AFF3: variants seen among roughly 807,000 people sequenced by gnomAD.
AFF3 encodes the protein AF4/FMR2 family member 3.
In AFF3, 32 loss-of-function variants were observed where a neutral mutation model predicts 129.7. The observed-to-expected ratio is 0.25, with a 90% confidence interval of 0.19 to 0.33. AFF3 has a LOEUF of 0.33. AFF3 is among the 10% of genes least tolerant of loss of function. The probability of loss-of-function intolerance (pLI) is 1.00; values close to 1 mark genes in which losing one functional copy is unlikely to be tolerated. For synonymous variants in AFF3, 644 were observed against 635.4 expected (o/e 1.01, Z -0.20); for missense variants, 1,373 against 1,592.0 (o/e 0.86, Z 2.34).
intron 12 of AFF3, among the ~76,000 whole-genome samples, chr2:99,655,441 C>T (rs186910191): frequency 5.3e-5 from 8 of 151,962 alleles, no homozygotes; most frequent in Admixed American, 2.0e-4. Flanking sequence ...GGGTGGGTGG[C>T]GAGGGGAGTG....
At chr2:99,644,053 A>C (rs1330780653) in intron 13 of AFF3, among the ~76,000 whole-genome samples, 1 of 152,212 alleles carries the variant, frequency 6.6e-6, no homozygotes, top group African/African-American at 2.4e-5. Context: ...GCCCCAGCAC[A>C]GCACCCCACA....
chr2:99,923,526 T>C (rs1341463890), intron 7 of AFF3, among the ~76,000 whole-genome samples: 1 of 152,232 alleles, frequency 6.6e-6, no homozygotes, highest in Admixed American at 6.5e-5. Flanking sequence ...CTTATATTTA[T>C]GCAAAAGGAC....
intron 2 of AFF3, among the ~76,000 whole-genome samples, chr2:100,120,388 T>A (rs1019795175): frequency 2.8e-4 from 43 of 152,098 alleles, no homozygotes; most frequent in African/African-American, 1.0e-3. Context: ...AGAAAAAAAA[T>A]TGGTAAGTTA....
intron 8 of AFF3, among the ~76,000 whole-genome samples, chr2:99,791,462 G>A (rs140834087): frequency 6.6e-6 from 1 of 152,330 alleles, no homozygotes; most frequent in African/African-American, 2.4e-5. Flanking sequence ...GTCTGTGCCT[G>A]TTCAGTACGG....
intron 2 of AFF3, among the ~76,000 whole-genome samples, chr2:100,115,557 C>CAA (rs1691703549): frequency 6.6e-6 from 1 of 151,944 alleles, no homozygotes; most frequent in Admixed American, 6.5e-5. Flanking sequence ...GACGCTGTCT[C>CAA]AAAAAATAAA....
intron 4 of AFF3, among the ~76,000 whole-genome samples, chr2:100,038,889 A>T (rs1371467358): frequency 6.6e-6 from 1 of 151,672 alleles, no homozygotes; most frequent in South Asian, 2.1e-4. Context: ...CGCCCGGCTA[A>T]TTTTTTGTAT....
chr2:99,820,825 C>T (rs58634641), intron 8 of AFF3, among the ~76,000 whole-genome samples: 12,254 of 144,926 alleles, frequency 0.085, 1,997 homozygotes, highest in African/African-American at 0.3. Context: ...AGCCTAGGCC[C>T]ACACAGGGCC....
At chr2:99,625,619 G>A (rs1184578089) in intron 13 of AFF3, among the ~76,000 whole-genome samples, 1 of 152,098 alleles carries the variant, frequency 6.6e-6, no homozygotes, top group Non-Finnish European at 1.5e-5. Context: ...GATACTAGAC[G>A]AAATGACAAG....
chr2:100,011,696 C>T lies in AFF3; in HGVS notation c.54-2764G>A, dbSNP rs1042904234. The T allele has an allele frequency of 8.6e-5, 61 of 708,136 alleles. No individual in the cohort carries two copies. The Middle Eastern group carries it at 1.2e-3, about 14-fold the overall frequency. 43.9% of individuals were successfully genotyped at this position (708,136 alleles called of 1,614,324 possible). A position where few individuals can be genotyped will look rare whatever the true frequency, so the allele number is the denominator to read the frequency against. On this transcript the variant is annotated intron_variant, in intron 4 of 24. Coordinates refer to ENST00000672756, the MANE Select transcript of AFF3 (RefSeq NM_001386135.1). Reference sequence around the variant, plus strand: ...GCCGAGGGGAAAGAATCCAAGATCCCGGAGGGTCAGAACGGGAGGCAAGCT... The same window carrying T: ...GCCGAGGGGAAAGAATCCAAGATCCTGGAGGGTCAGAACGGGAGGCAAGCT...
At chr2:99,778,491 G>A (rs1203814352) in intron 8 of AFF3, among the ~76,000 whole-genome samples, 3 of 152,136 alleles carry the variant, frequency 2.0e-5, no homozygotes, top group African/African-American at 7.2e-5. Context: ...AACTGGCTGG[G>A]ACAATGCTTG....
Position 100,006,865 on chromosome 2 carries a change from G to C in AFF3, c.640C>G (p.Gln214Glu). 6.2e-7 allele frequency: 1 copy of C among 1,614,208 alleles called. No homozygotes were observed. Among genetic ancestry groups the C allele is most frequent in the Non-Finnish European group, 8.5e-7 (1 of 1,180,036 alleles). Residue 214 changes from glutamine to glutamate, a missense_variant, in exon 7 of 25, where the codon CAG (glutamine) becomes GAG (glutamate). By Grantham distance (29) the Gln-to-Glu change is conservative (BLOSUM62 2). Around this residue, in one of 9 missense-constraint regions of AFF3, gnomAD observed 255 missense variants for 256.0 expected, o/e 1.00. Transcript: ENST00000672756. ...AKHSSSGHCV[Q>E]NFPPSLASKP... is the part of the protein sequence containing the mutation. ...GAAGCTAGGGATGGAGGAAAGTTCT[G>C]AACACAGTGTCCGCTGCTGCTGTGC...
chr2:99,757,932 T>C (rs1420186188), intron 8 of AFF3, among the ~76,000 whole-genome samples: 1 of 152,190 alleles, frequency 6.6e-6, no homozygotes, highest in Non-Finnish European at 1.5e-5. Flanking sequence ...GTCCCCTCTA[T>C]TGTGGTTACT....
intron 7 of AFF3, among the ~76,000 whole-genome samples, chr2:99,871,417 G>A (rs1691857061): frequency 1.3e-5 from 2 of 152,118 alleles, no homozygotes; most frequent in African/African-American, 4.8e-5. Context: ...ACTATGCTTG[G>A]TTCTATTTCT....
At chr2:100,103,526 A>G in intron 4 of AFF3, among the ~76,000 whole-genome samples, 3 of 134,964 alleles carry the variant, frequency 2.2e-5, no homozygotes, top group East Asian at 2.1e-4. Context: ...GGTTGGGGGG[A>G]GCAGAGAAAG....
rs553562798 is a variant in AFF3, at chr2:100,055,133, A to G, written c.54-46201T>C. Among the ~76,000 whole-genome samples the G allele has an allele frequency of 2.0e-5, 3 of 152,186 alleles. No individual in the cohort carries two copies. The South Asian group carries it at 6.2e-4, about 32-fold the overall frequency. On this transcript the variant is annotated intron_variant, in intron 4 of 24. Coordinates refer to ENST00000672756, the MANE Select transcript of AFF3 (RefSeq NM_001386135.1). ...TGCAGTTAACCCTTAACTCATTTTC[A>G]CATCCATTTCACTGGGTGTGGCCAA...
intron 8 of AFF3, among the ~76,000 whole-genome samples, chr2:99,810,378 C>T (rs150307347): frequency 2.3e-4 from 35 of 152,360 alleles, no homozygotes; most frequent in Admixed American, 5.2e-4. Flanking sequence ...ATAATTACAA[C>T]ACTTACTGTG....
intron 7 of AFF3, among the ~76,000 whole-genome samples, chr2:99,951,850 T>C (rs1676197534): frequency 6.6e-6 from 1 of 152,224 alleles, no homozygotes; most frequent in South Asian, 2.1e-4. Flanking sequence ...TTTGCCATGT[T>C]GGCCAGGCTG....
intron 7 of AFF3, among the ~76,000 whole-genome samples, chr2:99,979,285 A>G (rs1679180074): frequency 1.3e-5 from 2 of 151,956 alleles, no homozygotes; most frequent in Admixed American, 1.3e-4. Flanking sequence ...GAACTAGCTC[A>G]TCTTAGTGAG....
intron 8 of AFF3, among the ~76,000 whole-genome samples, chr2:99,826,263 C>T (rs895515498): frequency 3.3e-5 from 5 of 152,140 alleles, no homozygotes; most frequent in African/African-American, 1.2e-4. Flanking sequence ...GATCCACCTG[C>T]CTCGGCCTCC....
Sources: allele counts gnomAD v4.1 joint callset (sites outside exome capture counted in the v4.1 genomes callset), GRCh38; gene constraint gnomAD v4.1.1; regional missense constraint gnomAD v4.1.1; transcripts MANE v1.5; gene names NCBI Gene and HGNC (gene_info 2026-07-23, HGNC 2026-07-21).